The following RIT2 variants were observed in gnomAD, a reference collection of about 807,000 sequenced individuals.
RIT2 encodes the protein Ras like without CAAX 2.
A neutral mutation model predicts 23.7 loss-of-function variants in RIT2; 24 were observed. The ratio of observed to expected loss-of-function variants is 1.01; its 90% CI spans 0.73 to 1.43. RIT2 has a LOEUF of 1.43. RIT2 is among the 40% of genes most tolerant of loss of function. The pLI is 0.00. For synonymous variants in RIT2, 107 were observed against 91.1 expected (o/e 1.17, Z -0.99); for missense variants, 236 against 266.9 (o/e 0.88, Z 0.81).
chr18:42,967,781 T>C (rs957944638), intron 3 of RIT2, among the ~76,000 whole-genome samples: 6 of 150,384 alleles, frequency 4.0e-5, no homozygotes, highest in Non-Finnish European at 7.4e-5. Context: ...AATGGTGTTA[T>C]TTATTAATAT....
In RIT2 at chr18:42,830,151, A is replaced by C. The variant is rs983455508; in HGVS notation, c.427-86431T>G. Among the ~76,000 whole-genome samples, 2 of 152,226 alleles carry C rather than the reference A, an allele frequency of 1.3e-5. 1 individual carries two copies. Among genetic ancestry groups the C allele is most frequent in the Non-Finnish European group, 2.9e-5 (2 of 68,030 alleles). ...ATGTAATGGGCAGAATTTAGAGACC[A>C]TAACTAGCCAGCTGTACACACTGAA... On this transcript the variant is annotated intron_variant, in intron 4 of 4. Transcript: ENST00000326695.
intron 4 of RIT2, among the ~76,000 whole-genome samples, chr18:42,770,744 C>T (rs1913531815): frequency 6.6e-6 from 1 of 150,708 alleles, no homozygotes; most frequent in South Asian, 2.1e-4. Context: ...TCAGTTATGT[C>T]TGTGAGTTGA....
At chr18:43,052,310 G>T (rs1280334519) in intron 1 of RIT2, among the ~76,000 whole-genome samples, 4 of 151,994 alleles carry the variant, frequency 2.6e-5, no homozygotes, top group Non-Finnish European at 5.9e-5. Flanking sequence ...ATTTAATTAG[G>T]ATTGTGTAAA....
chr18:42,772,984 C>G (rs1044432444), intron 4 of RIT2, among the ~76,000 whole-genome samples: 1 of 152,100 alleles, frequency 6.6e-6, no homozygotes, highest in Non-Finnish European at 1.5e-5. Context: ...ATTTAAAATT[C>G]TCCTCTCATT....
intron 1 of RIT2, among the ~76,000 whole-genome samples, chr18:43,075,978 A>G (rs1215736362): frequency 6.6e-6 from 1 of 152,182 alleles, no homozygotes; most frequent in African/African-American, 2.4e-5. Context: ...ATTTTTTATC[A>G]TTTTAACATA....
intron 1 of RIT2, among the ~76,000 whole-genome samples, chr18:43,082,031 T>G (rs892363968): frequency 6.6e-5 from 10 of 152,116 alleles, no homozygotes; most frequent in South Asian, 2.1e-4. Flanking sequence ...GTCCTGGACT[T>G]TTTTTGTTGG....
At chr18:43,004,032 TC>T (rs1034068702) in intron 2 of RIT2, among the ~76,000 whole-genome samples, 19 of 151,656 alleles carry the variant, frequency 1.3e-4, no homozygotes, top group Non-Finnish European at 5.9e-5. Flanking sequence ...TACTGATTTT[TC>T]CCCCCGCCAG....
chr18:43,055,785 G>T (rs966517501), intron 1 of RIT2, among the ~76,000 whole-genome samples: 1 of 152,060 alleles, frequency 6.6e-6, no homozygotes, highest in Non-Finnish European at 1.5e-5. Context: ...TGGTCTAGGA[G>T]AAAAGGATGT....
At chr18:42,912,370 G>A (rs1908791649) in intron 4 of RIT2, among the ~76,000 whole-genome samples, 1 of 151,788 alleles carries the variant, frequency 6.6e-6, no homozygotes, top group Admixed American at 6.6e-5. Flanking sequence ...TGGGCACAAG[G>A]CAAAGATGTC....
Position 42,945,186 on chromosome 18 carries a change from T to C in RIT2, c.235-21423A>G, listed in dbSNP as rs533253453. Among the ~76,000 whole-genome samples the C allele has an allele frequency of 1.1e-4, 16 of 152,282 alleles. No individual in the cohort carries two copies. The South Asian group carries it at 1.7e-3, about 16-fold the overall frequency. ...ATAATTTATTTTCATCTGATAACTT[T>C]AATGCTTGTACTTTATAAGATATTT... is the stretch of plus-strand genomic sequence containing the variant. On this transcript the variant is annotated intron_variant, in intron 3 of 4. Coordinates refer to ENST00000326695, the MANE Select transcript of RIT2 (RefSeq NM_002930.4).
intron 2 of RIT2, among the ~76,000 whole-genome samples, chr18:42,997,531 A>G (rs560720621): frequency 2.0e-5 from 3 of 152,154 alleles, no homozygotes; most frequent in African/African-American, 7.2e-5. Context: ...TTACCTGATT[A>G]AAAGTTCACC....
intron 4 of RIT2, among the ~76,000 whole-genome samples, chr18:42,850,446 T>C (rs1907022432): frequency 6.6e-6 from 1 of 152,168 alleles, no homozygotes. Flanking sequence ...GCAGACCACA[T>C]TTGATGATGA....
chr18:42,926,672 G>C (rs1333926657), intron 3 of RIT2, among the ~76,000 whole-genome samples: 1 of 151,930 alleles, frequency 6.6e-6, no homozygotes, highest in Non-Finnish European at 1.5e-5. Context: ...TGTGCTTGTT[G>C]ACCAGATTCA....
At chr18:43,087,036 G>A (rs1372544711) in intron 1 of RIT2, among the ~76,000 whole-genome samples, 1 of 152,060 alleles carries the variant, frequency 6.6e-6, no homozygotes, top group Non-Finnish European at 1.5e-5. Context: ...AGTCACTTGA[G>A]GCTAGGAGCT....
At chr18:42,980,192 T>C (rs1910565573) in intron 2 of RIT2, among the ~76,000 whole-genome samples, 2 of 152,112 alleles carry the variant, frequency 1.3e-5, no homozygotes, top group Non-Finnish European at 2.9e-5. Flanking sequence ...AAGAACAACC[T>C]TTCCTATCAT....
intron 2 of RIT2, among the ~76,000 whole-genome samples, chr18:43,012,043 C>T (rs72899279): frequency 6.6e-6 from 1 of 151,796 alleles, no homozygotes; most frequent in Non-Finnish European, 1.5e-5. Context: ...ATGTTCACGT[C>T]CAACGAATTC....
chr18:42,887,635 T>A (rs1036971236), intron 4 of RIT2, among the ~76,000 whole-genome samples: 2 of 152,204 alleles, frequency 1.3e-5, no homozygotes, highest in East Asian at 3.8e-4. Flanking sequence ...ACTCTTGTCA[T>A]GCAACCCAGC....
chr18:43,074,853 A>G (rs1401269528), intron 1 of RIT2, among the ~76,000 whole-genome samples: 1 of 152,240 alleles, frequency 6.6e-6, no homozygotes, highest in East Asian at 1.9e-4. Context: ...CGATGAGAAC[A>G]CATGGATGCA....
chr18:43,009,977 C>A (rs1911315210), intron 2 of RIT2, among the ~76,000 whole-genome samples: 1 of 151,752 alleles, frequency 6.6e-6, no homozygotes. Context: ...CCAGCTAGTG[C>A]CAAATGATTG....
Sources: gnomAD v4.1 joint callset for allele counts (sites outside exome capture counted in the v4.1 genomes callset) on GRCh38, gnomAD v4.1.1 for gene constraint, MANE v1.5 for transcripts, NCBI Gene and HGNC (gene_info 2026-07-23, HGNC 2026-07-21) for gene names.